The following GRID2 variants were observed in gnomAD, a reference collection of about 807,000 sequenced individuals.
GRID2 encodes glutamate ionotropic receptor delta type subunit 2.
GRID2 carries 33 observed loss-of-function variants against 114.8 expected under a neutral mutation model. The observed-to-expected ratio is 0.29, with a 90% CI of 0.22 to 0.38. The LOEUF (loss-of-function observed/expected upper bound fraction) is 0.38, where lower values mean the gene tolerates loss of function less well. Ranked by LOEUF, GRID2 falls within the 10% of genes least tolerant of loss-of-function variation. The pLI, the probability that GRID2 is intolerant of heterozygous loss-of-function variation, is 1.00. For synonymous variants in GRID2, 505 were observed against 449.9 expected, an observed-to-expected ratio of 1.12 and a Z score of -1.55; for missense variants, 1,184 against 1,257.7, an observed-to-expected ratio of 0.94 and a Z score of 0.89.
intron 11 of GRID2, among the ~76,000 whole-genome samples, chr4:93,466,839 T>C (rs2149428582): frequency 6.6e-6 from 1 of 152,346 alleles, no homozygotes; most frequent in East Asian, 1.9e-4. Context: ...AATATGTTAA[T>C]GAAACTGAAA....
In GRID2 at chr4:92,941,253, A is replaced by T. The variant is rs1174005605; in HGVS notation, c.245-143742A>T. ...TATTGCCTCAATTTCAGATCCTGTA[A>T]CTGGTCTATTCAGAGATTCAACTTC... On this transcript the variant is annotated intron_variant, in intron 2 of 15. Coordinates refer to ENST00000282020, the MANE Select transcript of GRID2 (RefSeq NM_001510.4). 3.3e-5 allele frequency among the ~76,000 whole-genome samples: 5 copies of T among 152,230 alleles called. No homozygotes were observed. In the East Asian group the frequency reaches 9.7e-4, roughly 29 times the overall value.
At chr4:92,521,694 C>T (rs1260357179) in intron 1 of GRID2, among the ~76,000 whole-genome samples, 1 of 151,670 alleles carries the variant, frequency 6.6e-6, no homozygotes, top group Non-Finnish European at 1.5e-5. Context: ...ATAAGAGTGA[C>T]GAATCATGTT....
chr4:93,347,868 A>G (rs1359925779), intron 8 of GRID2, among the ~76,000 whole-genome samples: 1 of 152,170 alleles, frequency 6.6e-6, no homozygotes, highest in Non-Finnish European at 1.5e-5. Flanking sequence ...GTTGAAAAAA[A>G]TGAAAGCTGG....
At chr4:93,618,806 C>A (rs1741948295) in intron 13 of GRID2, among the ~76,000 whole-genome samples, 1 of 152,224 alleles carries the variant, frequency 6.6e-6, no homozygotes, top group South Asian at 2.1e-4. Flanking sequence ...TTCCCACATG[C>A]TCTACCTAGA....
At chr4:92,996,046 T>C (rs1041094059) in intron 2 of GRID2, among the ~76,000 whole-genome samples, 1 of 152,032 alleles carries the variant, frequency 6.6e-6, no homozygotes, top group Admixed American at 6.6e-5. Context: ...TCCCAGCACT[T>C]TGGGAGGCTG....
intron 2 of GRID2, among the ~76,000 whole-genome samples, chr4:92,768,004 T>A (rs1218242612): frequency 2.0e-5 from 3 of 152,166 alleles, no homozygotes. Context: ...CTAATTATTA[T>A]TATATCTGTT....
At chr4:92,810,268 G>A (rs1393938893) in intron 2 of GRID2, among the ~76,000 whole-genome samples, 2 of 150,278 alleles carry the variant, frequency 1.3e-5, no homozygotes, top group East Asian at 3.9e-4. Flanking sequence ...CAAATTTCAC[G>A]GAACCTATCC....
chr4:93,571,058 G>C (rs1005033741), intron 13 of GRID2, among the ~76,000 whole-genome samples: 1 of 152,090 alleles, frequency 6.6e-6, no homozygotes, highest in African/African-American at 2.4e-5. Flanking sequence ...ATATTATTTT[G>C]TCTGGGATGT....
rs556545350 is a variant in GRID2, at chr4:93,292,616, A to T, written c.1245+54126A>T. On this transcript the variant is annotated intron_variant, in intron 8 of 15. Transcript: ENST00000282020. ...GCTGTTCAAACAAAAAATGCCAGTC[A>T]CTCCATTCTTGCCACCAAACTGTAC... 3.3e-5 allele frequency among the ~76,000 whole-genome samples: 5 copies of T among 152,302 alleles called. No individual in the cohort carries two copies. In the East Asian group the frequency reaches 9.6e-4, roughly 29 times the overall value.
rs34416042 is a variant in GRID2 at position 93,414,685 on chromosome 4, T to TTATATATATATATA, written c.1348-8078_1348-8065dup. 4.2e-3 allele frequency among the ~76,000 whole-genome samples: 591 copies of TTATATATATATATA among 140,526 alleles called. 4 individuals are homozygous for TTATATATATATATA. The highest frequency in any genetic ancestry group is 0.011 in the African/African-American group (409 of 37,290). 92.2% of individuals were successfully genotyped at this position (140,526 alleles called of 152,430 possible). ...GCACCTATCATCACCATCTGACATT[T>TTATATATATATATA]TATATATATATATATATATATTTCC... On this transcript the variant is annotated intron_variant, in intron 9 of 15. Transcript: ENST00000282020.
intron 13 of GRID2, among the ~76,000 whole-genome samples, chr4:93,591,989 G>T (rs1321727922): frequency 6.6e-6 from 1 of 151,596 alleles, no homozygotes; most frequent in Non-Finnish European, 1.5e-5. Context: ...CAATTTTGTT[G>T]ATCCTTTCAA....
chr4:92,663,707 T>A (rs1732632719), intron 2 of GRID2, among the ~76,000 whole-genome samples: 1 of 151,198 alleles, frequency 6.6e-6, no homozygotes, highest in Non-Finnish European at 1.5e-5. Context: ...TTAAACACAT[T>A]AATGTTGTGC....
intron 1 of GRID2, among the ~76,000 whole-genome samples, chr4:92,363,900 GC>G (rs1394588185): frequency 7.0e-6 from 1 of 143,628 alleles, no homozygotes; most frequent in Non-Finnish European, 1.5e-5. Context: ...TCTCACTGCA[GC>G]CTCCACCTCC....
In GRID2 at chr4:92,884,147, C is replaced by A. The variant is rs993244151; in HGVS notation, c.245-200848C>A. Among the ~76,000 whole-genome samples, 17 of 152,316 alleles carry A rather than the reference C, an allele frequency of 1.1e-4. 1 individual carries two copies. In the East Asian group the frequency reaches 3.1e-3, roughly 28 times the overall value. On this transcript the variant is annotated intron_variant, in intron 2 of 15. Transcript: ENST00000282020. ...GCTTCTACATCAGCACCTGCTGCTTCACTTTATACTTTTGTGTCATGGAGA... is the reference window on the plus strand; with the variant it reads ...GCTTCTACATCAGCACCTGCTGCTTAACTTTATACTTTTGTGTCATGGAGA...
intron 2 of GRID2, among the ~76,000 whole-genome samples, chr4:92,981,587 AG>A: frequency 6.6e-6 from 1 of 152,166 alleles, no homozygotes; most frequent in Non-Finnish European, 1.5e-5. Flanking sequence ...ATGGATTAAA[AG>A]TTAATGCAGT....
intron 2 of GRID2, among the ~76,000 whole-genome samples, chr4:92,949,579 A>C (rs1751882525): frequency 6.6e-6 from 1 of 151,838 alleles, no homozygotes; most frequent in East Asian, 1.9e-4. Flanking sequence ...AAGAAATGGG[A>C]AGAAAATAGA....
intron 1 of GRID2, among the ~76,000 whole-genome samples, chr4:92,476,326 A>T (rs1404251878): frequency 6.6e-6 from 1 of 152,172 alleles, no homozygotes; most frequent in Non-Finnish European, 1.5e-5. Context: ...CACCCGGCTG[A>T]AATTCAATTC....
At chr4:93,262,290 A>T (rs966053161) in intron 8 of GRID2, among the ~76,000 whole-genome samples, 2 of 151,930 alleles carry the variant, frequency 1.3e-5, no homozygotes. Flanking sequence ...GCAGTGCCTC[A>T]CATAGGACTT....
At chr4:92,506,257 A>C (rs1252911288) in intron 1 of GRID2, among the ~76,000 whole-genome samples, 1 of 151,956 alleles carries the variant, frequency 6.6e-6, no homozygotes, top group Non-Finnish European at 1.5e-5. Context: ...TGGGATTCTA[A>C]ATGATTCTGT....
Sources: gnomAD v4.1 joint callset for allele counts (sites outside exome capture counted in the v4.1 genomes callset) on GRCh38, gnomAD v4.1.1 for gene constraint, MANE v1.5 for transcripts, NCBI Gene and HGNC (gene_info 2026-07-23, HGNC 2026-07-21) for gene names.